The following AOPEP variants were observed in gnomAD, a reference collection of about 807,000 sequenced individuals.
AOPEP encodes aminopeptidase O (putative).
Under a neutral mutation model 98.1 loss-of-function variants are expected in AOPEP, and 77 were observed. The observed-to-expected ratio is 0.78, with a 90% CI of 0.65 to 0.95. The LOEUF (loss-of-function observed/expected upper bound fraction) is 0.95, where lower values mean the gene tolerates loss of function less well. Ranked by LOEUF, AOPEP falls within the 40% of genes least tolerant of loss-of-function variation. AOPEP has a pLI of 0.00. For missense variants in AOPEP, 1,024 were observed against 1,024.7 expected, an observed-to-expected ratio of 1.00 and a Z score of 0.01; for synonymous variants, 346 against 365.3, an observed-to-expected ratio of 0.95 and a Z score of 0.60.
chr9:94,899,466 A>G (rs1261415232), intron 5 of AOPEP, among the ~76,000 whole-genome samples: 1 of 151,714 alleles, frequency 6.6e-6, no homozygotes, highest in African/African-American at 2.4e-5. Context: ...TAAAATTATG[A>G]AGGCCAGGCA....
intron 5 of AOPEP, among the ~76,000 whole-genome samples, chr9:94,863,051 G>A (rs573203583): frequency 2.0e-4 from 31 of 152,274 alleles, no homozygotes; most frequent in Admixed American, 5.9e-4. Context: ...TTGGTTGTGC[G>A]TGACAGAACA....
At chr9:95,053,537 C>G (rs1162347372) in intron 13 of AOPEP, among the ~76,000 whole-genome samples, 1 of 152,072 alleles carries the variant, frequency 6.6e-6, no homozygotes, top group Non-Finnish European at 1.5e-5. Flanking sequence ...TACTCATATG[C>G]TGGGCCTTAG....
chr9:94,746,274 G>A (rs1361296172), intron 1 of AOPEP, among the ~76,000 whole-genome samples: 1 of 152,158 alleles, frequency 6.6e-6, no homozygotes. Context: ...TTGGATTGCT[G>A]TGCAATAGAG....
chr9:94,873,923 A>G lies in AOPEP; in HGVS notation c.1365-50063A>G, dbSNP rs565289250. Among the ~76,000 whole-genome samples the G allele has an allele frequency of 2.6e-5, 4 of 152,292 alleles. No individual in the cohort carries two copies. The South Asian group carries it at 8.3e-4, about 32-fold the overall frequency. ...GTGAGAAGATTATACATCTTCTCTCAATGGAGGATGAATAAACTATTAGTA... is the reference window on the plus strand; with the variant it reads ...GTGAGAAGATTATACATCTTCTCTCGATGGAGGATGAATAAACTATTAGTA... On this transcript the variant is annotated intron_variant, in intron 5 of 16. Coordinates refer to ENST00000375315, the MANE Select transcript of AOPEP (RefSeq NM_001193329.3).
intron 13 of AOPEP, among the ~76,000 whole-genome samples, chr9:95,028,461 C>A (rs1335957490): frequency 6.6e-6 from 1 of 152,166 alleles, no homozygotes; most frequent in African/African-American, 2.4e-5. Context: ...AGCTGGAGAG[C>A]TGTACAGGTG....
At chr9:94,797,379 C>G (rs1847206643) in intron 4 of AOPEP, among the ~76,000 whole-genome samples, 1 of 149,598 alleles carries the variant, frequency 6.7e-6, no homozygotes, top group Non-Finnish European at 1.5e-5. Context: ...TGCAGTGAGC[C>G]GAGATTGCAC....
intron 5 of AOPEP, among the ~76,000 whole-genome samples, chr9:94,912,984 T>A (rs923207446): frequency 2.6e-5 from 4 of 152,252 alleles, no homozygotes; most frequent in African/African-American, 9.6e-5. Context: ...GTTCATTGTA[T>A]TTTTTGTTAC....
At chr9:94,878,271 G>A (rs1181986836) in intron 5 of AOPEP, among the ~76,000 whole-genome samples, 1 of 148,102 alleles carries the variant, frequency 6.8e-6, no homozygotes, top group Non-Finnish European at 1.5e-5. Flanking sequence ...GTCCACTTTC[G>A]GGGAGAAGTA....
chr9:94,822,164 A>C (rs1853379236), intron 5 of AOPEP, among the ~76,000 whole-genome samples: 1 of 152,188 alleles, frequency 6.6e-6, no homozygotes, highest in Non-Finnish European at 1.5e-5. Context: ...CCCAGAGAAC[A>C]TGGCAGACGA....
chr9:95,089,455 T>G (rs1428118725), downstream of AOPEP, among the ~76,000 whole-genome samples: 1 of 152,172 alleles, frequency 6.6e-6, no homozygotes, highest in Non-Finnish European at 1.5e-5. Flanking sequence ...GAACCTGAGT[T>G]CCCACTGTGG....
chr9:94,913,281 GGAGACTTTGGA>G (rs113202437), intron 5 of AOPEP, among the ~76,000 whole-genome samples: 21,701 of 151,928 alleles, frequency 0.14, 3,524 homozygotes, highest in African/African-American at 0.4. Flanking sequence ...GTTAAAATCA[GGAGACTTTGGA>G]GAGACTTTGG....
intron 5 of AOPEP, among the ~76,000 whole-genome samples, chr9:94,817,680 A>G (rs1852010607): frequency 6.6e-6 from 1 of 152,270 alleles, no homozygotes; most frequent in African/African-American, 2.4e-5. Flanking sequence ...AGTTGGGAAC[A>G]GAAGTGATTT....
chr9:94,846,174 A>G (rs1588511033), intron 5 of AOPEP, among the ~76,000 whole-genome samples: 1 of 152,158 alleles, frequency 6.6e-6, no homozygotes, highest in South Asian at 2.1e-4. Context: ...ATGACTAGAG[A>G]TCTGAATTTG....
At chr9:94,755,939 A>G (rs1038623976) in intron 1 of AOPEP, among the ~76,000 whole-genome samples, 1 of 152,236 alleles carries the variant, frequency 6.6e-6, no homozygotes, top group Admixed American at 6.5e-5. Flanking sequence ...AAAGTAGGCC[A>G]AATGAAGTTG....
intron 1 of AOPEP, among the ~76,000 whole-genome samples, chr9:94,742,435 A>G (rs1051912234): frequency 1.3e-5 from 2 of 151,646 alleles, no homozygotes; most frequent in Non-Finnish European, 2.9e-5. Flanking sequence ...GTTTATATTA[A>G]TTCTTTTTTT....
intron 14 of AOPEP, among the ~76,000 whole-genome samples, chr9:95,080,415 G>C (rs2069610948): frequency 6.6e-6 from 1 of 152,214 alleles, no homozygotes; most frequent in African/African-American, 2.4e-5. Context: ...TACTTGGGAG[G>C]CTGAGGCAGG....
At chr9:95,005,319 G>A (rs1402373422) in intron 12 of AOPEP, 99 bp downstream of exon 12, 2 of 750,394 alleles carry the variant, frequency 2.7e-6, no homozygotes, top group Non-Finnish European at 3.6e-6. Flanking sequence ...GCGGGTGCGG[G>A]GACTACCCGC....
At chr9:94,838,721 A>G (rs1460906171) in intron 5 of AOPEP, among the ~76,000 whole-genome samples, 1 of 152,172 alleles carries the variant, frequency 6.6e-6, no homozygotes, top group Non-Finnish European at 1.5e-5. Context: ...TCTCTTCCAG[A>G]TGATGGTTCT....
At chr9:94,961,034 G>A (rs1337510092) in intron 9 of AOPEP, among the ~76,000 whole-genome samples, 1 of 135,218 alleles carries the variant, frequency 7.4e-6, no homozygotes, top group African/African-American at 2.9e-5. Flanking sequence ...AAAAAAGAAT[G>A]CTTGCCTGTT....
Sources: allele counts gnomAD v4.1 joint callset (sites outside exome capture counted in the v4.1 genomes callset), GRCh38; gene constraint gnomAD v4.1.1; transcripts MANE v1.5; gene names NCBI Gene and HGNC (gene_info 2026-07-23, HGNC 2026-07-21).